Variants in PTPRG observed in about 807,000 individuals in gnomAD.
The protein encoded by PTPRG is protein tyrosine phosphatase receptor type G.
Under a neutral mutation model 165.3 loss-of-function variants are expected in PTPRG, and 102 were observed. The ratio of observed to expected loss-of-function variants is 0.62; its 90% CI spans 0.53 to 0.73. PTPRG has a LOEUF of 0.73. Ranked by LOEUF, PTPRG falls within the 30% of genes least tolerant of loss-of-function variation. The pLI is 0.00. For missense variants in PTPRG, 1,866 were observed against 1,861.4 expected (o/e 1.00, Z -0.05); for synonymous variants, 675 against 669.5 (o/e 1.01, Z -0.13).
At position 62,137,853 on chromosome 3, in the gene PTPRG, T is replaced by A. The variant is rs149733261; in HGVS notation, c.682+5185T>A. On this transcript the variant is annotated intron_variant, in intron 6 of 29. Transcript: ENST00000474889. ...TCAAAACAGCAATTTTAAAAAAATT[T>A]TTGCTCAACTCATGAGGCATCCACT... Among the ~76,000 whole-genome samples the A allele has an allele frequency of 4.3e-3, 658 of 152,300 alleles. 5 individuals are homozygous for A. The highest frequency in any genetic ancestry group is 0.015 in the African/African-American group (630 of 41,560).
chr3:61,908,368 T>C (rs2107534727), intron 2 of PTPRG, among the ~76,000 whole-genome samples: 1 of 131,098 alleles, frequency 7.6e-6, no homozygotes, highest in South Asian at 2.3e-4. Context: ...GAGTTTGCAG[T>C]GAGCCGGGAT....
chr3:61,972,181 G>C (rs1322925607), intron 2 of PTPRG, among the ~76,000 whole-genome samples: 1 of 152,236 alleles, frequency 6.6e-6, no homozygotes, highest in Non-Finnish European at 1.5e-5. Flanking sequence ...GAAGGTGACT[G>C]AGTTGCCTGT....
intron 1 of PTPRG, among the ~76,000 whole-genome samples, chr3:61,649,763 G>GT (rs1441679919): frequency 6.6e-6 from 1 of 152,178 alleles, no homozygotes; most frequent in Non-Finnish European, 1.5e-5. Flanking sequence ...TTAGAAATAG[G>GT]TTGTCGTATA....
intron 2 of PTPRG, among the ~76,000 whole-genome samples, chr3:61,928,545 A>G (rs2039282739): frequency 6.6e-6 from 1 of 152,116 alleles, no homozygotes; most frequent in Non-Finnish European, 1.5e-5. Context: ...TGGGGCCAGT[A>G]TTTTCTGGAA....
Position 61,989,808 on chromosome 3 carries a change from G to A in PTPRG, c.370+4G>A, listed in dbSNP as rs776129122. ...ATGAAAAACACAGGGAAAACAGGTAGACAATGGCTTCTTTATTTGTCCACA... is the reference window on the plus strand; with the variant it reads ...ATGAAAAACACAGGGAAAACAGGTAAACAATGGCTTCTTTATTTGTCCACA... On this transcript the variant is annotated splice_donor_region_variant and intron_variant, in intron 3 of 29. Coordinates refer to ENST00000474889, the MANE Select transcript of PTPRG (RefSeq NM_002841.4). 7 of 1,613,482 alleles carry A rather than the reference G, an allele frequency of 4.3e-6. No homozygotes were observed. Among genetic ancestry groups the A allele is most frequent in the Non-Finnish European group, 5.9e-6 (7 of 1,179,764 alleles).
intron 1 of PTPRG, among the ~76,000 whole-genome samples, chr3:61,726,861 C>T (rs537073559): frequency 6.6e-5 from 10 of 152,206 alleles, no homozygotes; most frequent in South Asian, 2.1e-4. Flanking sequence ...TCCTGGCTAA[C>T]GCAGTGAAAT....
chr3:61,922,787 C>T (rs1303609770), intron 2 of PTPRG, among the ~76,000 whole-genome samples: 6 of 152,120 alleles, frequency 3.9e-5, no homozygotes, highest in Admixed American at 2.0e-4. Context: ...ATTACAGGTG[C>T]GTGCCACCAT....
intron 1 of PTPRG, among the ~76,000 whole-genome samples, chr3:61,747,047 C>T (rs910222890): frequency 6.6e-6 from 1 of 152,054 alleles, no homozygotes; most frequent in African/African-American, 2.4e-5. Flanking sequence ...CTGCTTGAAC[C>T]CAGGGGTTAA....
chr3:62,165,567 C>T (rs1262403000), intron 7 of PTPRG, among the ~76,000 whole-genome samples: 3 of 150,704 alleles, frequency 2.0e-5, no homozygotes, highest in African/African-American at 7.5e-5. Context: ...GCAGATGCTA[C>T]CTAGAGACAC....
At chr3:61,672,015 CAGGCAGAGGG>C (rs1703019899) in intron 1 of PTPRG, among the ~76,000 whole-genome samples, 1 of 125,196 alleles carries the variant, frequency 8.0e-6, no homozygotes, top group African/African-American at 3.3e-5. Flanking sequence ...GGGCGGTTGC[CAGGCAGAGGG>C]TCTCCTCACT....
chr3:61,628,587 G>A (rs1701681213), intron 1 of PTPRG, among the ~76,000 whole-genome samples: 1 of 152,136 alleles, frequency 6.6e-6, no homozygotes, highest in African/African-American at 2.4e-5. Context: ...GTCTGCCTTG[G>A]CCTCCCAAAG....
chr3:62,220,002 G>A (rs1416789070), intron 13 of PTPRG, among the ~76,000 whole-genome samples: 1 of 152,228 alleles, frequency 6.6e-6, no homozygotes, highest in Non-Finnish European at 1.5e-5. Context: ...TGGTCAAGGA[G>A]ATGATACCTG....
chr3:61,869,871 G>C (rs1458718013), intron 2 of PTPRG, among the ~76,000 whole-genome samples: 1 of 152,070 alleles, frequency 6.6e-6, no homozygotes, highest in Admixed American at 6.5e-5. Context: ...AAACTGTTGG[G>C]ATCACAAGTG....
At chr3:61,736,309 G>GT (rs1385509708) in intron 1 of PTPRG, among the ~76,000 whole-genome samples, 10 of 150,688 alleles carry the variant, frequency 6.6e-5, no homozygotes, top group East Asian at 3.9e-4. Context: ...CAGGCAGGAA[G>GT]TTTTTTTTTC....
chr3:62,286,792 A>T (rs1243540974), intron 28 of PTPRG, among the ~76,000 whole-genome samples: 2 of 152,154 alleles, frequency 1.3e-5, no homozygotes, highest in African/African-American at 2.4e-5. Flanking sequence ...CAGATTACTT[A>T]TACCACTTTT....
chr3:61,687,751 T>C (rs1213794249), intron 1 of PTPRG, among the ~76,000 whole-genome samples: 1 of 152,244 alleles, frequency 6.6e-6, no homozygotes, highest in African/African-American at 2.4e-5. Context: ...CTTAAACATT[T>C]GTGGGGGTGG....
At chr3:61,716,891 G>A (rs1559571743) in intron 1 of PTPRG, among the ~76,000 whole-genome samples, 1 of 152,180 alleles carries the variant, frequency 6.6e-6, no homozygotes, top group Non-Finnish European at 1.5e-5. Flanking sequence ...AGAATCACTT[G>A]AACCTGGGCG....
intron 6 of PTPRG, among the ~76,000 whole-genome samples, chr3:62,154,896 C>T (rs1477357398): frequency 6.6e-6 from 1 of 152,202 alleles, no homozygotes; most frequent in African/African-American, 2.4e-5. Context: ...GCCCTACCCA[C>T]ACCCTCTATC....
rs1559712765 is a variant in PTPRG, at chr3:62,255,504, A to T, written c.2559+289A>T. Among the ~76,000 whole-genome samples, 1 of 152,116 alleles carries T rather than the reference A, an allele frequency of 6.6e-6. No homozygotes were observed. Among genetic ancestry groups the T allele is most frequent in the South Asian group, 2.1e-4 (1 of 4,822 alleles). ...GCTTTTCAGGTTCTTGCTACATCTA[A>T]TTCTAACTGGGAACAGCAGTCATAA... On this transcript the variant is annotated intron_variant, in intron 16 of 29. Transcript: ENST00000474889. This position sits in a 1 kb window ranked among gnomAD's most constrained non-coding sequence, Gnocchi z 4.0.
Sources: allele counts gnomAD v4.1 joint callset (sites outside exome capture counted in the v4.1 genomes callset), GRCh38; gene constraint gnomAD v4.1.1; non-coding constraint Gnocchi (gnomAD v3.1); transcripts MANE v1.5; gene names NCBI Gene and HGNC (gene_info 2026-07-23, HGNC 2026-07-21).